GPR158: variants seen among roughly 807,000 people sequenced by gnomAD.
GPR158 encodes the protein metabotropic glycine receptor.
GPR158 carries 30 observed loss-of-function variants against 78.2 expected under a neutral mutation model. The ratio of observed to expected loss-of-function variants is 0.38; its 90% CI spans 0.29 to 0.52. GPR158 has a LOEUF of 0.52. Among genes scored for constraint, GPR158 ranks in the 20% least tolerant of loss-of-function variants. The probability of loss-of-function intolerance (pLI) is 0.83; values close to 1 mark genes in which losing one functional copy is unlikely to be tolerated. For synonymous variants in GPR158, 581 were observed against 591.1 expected, an observed-to-expected ratio of 0.98 and a Z score of 0.25; for missense variants, 1,463 against 1,523.5, an observed-to-expected ratio of 0.96 and a Z score of 0.66.
At chr10:25,422,650 A>G (rs1773678) in intron 4 of GPR158, among the ~76,000 whole-genome samples, 104,677 of 149,604 alleles carry the variant, frequency 0.7, 37,649 homozygotes, top group Non-Finnish European at 0.8. Flanking sequence ...AATGTGACAT[A>G]TACTCTCCAA....
At position 25,258,267 on chromosome 10, in the gene GPR158, G is replaced by A. The variant is rs376118015; in HGVS notation, c.1008+37110G>A. On this transcript the variant is annotated intron_variant, in intron 2 of 10. Transcript: ENST00000376351. ...CCTTCTCTCATTCACTTATTCATTT[G>A]TTTATGCATTTCTCATACACTGAAT... 1.3e-5 allele frequency among the ~76,000 whole-genome samples: 2 copies of A among 152,094 alleles called. 1 individual carries two copies. The highest frequency in any genetic ancestry group is 4.1e-4 in the South Asian group (2 of 4,822).
intron 2 of GPR158, among the ~76,000 whole-genome samples, chr10:25,300,770 A>T (rs1372598707): frequency 6.6e-6 from 1 of 152,152 alleles, no homozygotes; most frequent in African/African-American, 2.4e-5. Context: ...CAATTGTTTA[A>T]ATCACCAGGT....
intron 5 of GPR158, among the ~76,000 whole-genome samples, chr10:25,529,510 G>A (rs929357034): frequency 9.9e-5 from 15 of 152,142 alleles, no homozygotes; most frequent in Admixed American, 3.9e-4. Flanking sequence ...TGCAGGGATC[G>A]GGGAGTGGCA....
At chr10:25,249,136 G>A (rs1473321803) in intron 2 of GPR158, among the ~76,000 whole-genome samples, 1 of 152,050 alleles carries the variant, frequency 6.6e-6, no homozygotes, top group Non-Finnish European at 1.5e-5. Flanking sequence ...GTATAAGAAT[G>A]CTTGTGATTT....
intron 2 of GPR158, among the ~76,000 whole-genome samples, chr10:25,384,071 T>C (rs567215658): frequency 6.6e-6 from 1 of 152,352 alleles, no homozygotes; most frequent in East Asian, 1.9e-4. Flanking sequence ...CTATTTATTA[T>C]CTTATTTACC....
intron 2 of GPR158, among the ~76,000 whole-genome samples, chr10:25,262,009 T>A (rs1355404279): frequency 6.6e-6 from 1 of 152,090 alleles, no homozygotes; most frequent in Non-Finnish European, 1.5e-5. Context: ...CCTGGGGAAG[T>A]AATAATGACT....
chr10:25,230,219 A>G (rs888402403), intron 2 of GPR158, among the ~76,000 whole-genome samples: 1 of 152,226 alleles, frequency 6.6e-6, no homozygotes, highest in Non-Finnish European at 1.5e-5. Flanking sequence ...CAAAATTCCT[A>G]TCTTTCTGAT....
At chr10:25,381,889 A>G (rs1211287018) in intron 2 of GPR158, among the ~76,000 whole-genome samples, 1 of 152,222 alleles carries the variant, frequency 6.6e-6, no homozygotes, top group African/African-American at 2.4e-5. Flanking sequence ...GGTAAAGCAC[A>G]TTTATAACAG....
chr10:25,186,040 A>G (rs1195554525), intron 1 of GPR158, among the ~76,000 whole-genome samples: 4 of 152,194 alleles, frequency 2.6e-5, no homozygotes, highest in Non-Finnish European at 5.9e-5. Context: ...CCACAGTGCA[A>G]TCAAACTAGA....
At chr10:25,266,474 C>T (rs1488055630) in intron 2 of GPR158, among the ~76,000 whole-genome samples, 1 of 152,098 alleles carries the variant, frequency 6.6e-6, no homozygotes, top group Admixed American at 6.6e-5. Context: ...ATAATCAGAT[C>T]ACTGGATTTT....
At chr10:25,462,411 C>T (rs567970527) in intron 4 of GPR158, among the ~76,000 whole-genome samples, 6 of 152,276 alleles carry the variant, frequency 3.9e-5, no homozygotes, top group African/African-American at 1.2e-4. Context: ...TGTTTTCATG[C>T]CCACTAACAC....
intron 2 of GPR158, among the ~76,000 whole-genome samples, chr10:25,326,045 A>G (rs757898921): frequency 2.0e-5 from 3 of 152,082 alleles, no homozygotes; most frequent in Non-Finnish European, 2.9e-5. Flanking sequence ...TGCACAGGTG[A>G]TCCCATCACC....
At chr10:25,327,556 A>T (rs1333357534) in intron 2 of GPR158, among the ~76,000 whole-genome samples, 1 of 48,136 alleles carries the variant, frequency 2.1e-5, no homozygotes, top group African/African-American at 1.4e-4. Context: ...CTCACGTGAG[A>T]TAAAGACTCT....
intron 2 of GPR158, among the ~76,000 whole-genome samples, chr10:25,350,662 C>G (rs1436228266): frequency 1.3e-5 from 2 of 151,936 alleles, no homozygotes; most frequent in Non-Finnish European, 2.9e-5. Flanking sequence ...GGCAGGGAAG[C>G]TATACTTTCT....
chr10:25,345,058 G>C (rs1270716272), intron 2 of GPR158, among the ~76,000 whole-genome samples: 2 of 151,950 alleles, frequency 1.3e-5, no homozygotes, highest in Non-Finnish European at 2.9e-5. Flanking sequence ...TTGGGGGCCA[G>C]AATCTCAACA....
intron 2 of GPR158, among the ~76,000 whole-genome samples, chr10:25,317,726 G>GTTTTTTT (rs796945422): frequency 1.4e-5 from 2 of 140,140 alleles, no homozygotes; most frequent in African/African-American, 5.9e-5. Flanking sequence ...GTTTTTTTTT[G>GTTTTTTT]TTTTGTTTTG....
intron 1 of GPR158, among the ~76,000 whole-genome samples, chr10:25,183,295 A>G (rs1384928265): frequency 6.6e-6 from 1 of 151,326 alleles, no homozygotes; most frequent in Non-Finnish European, 1.5e-5. Context: ...GCCCCTCCAC[A>G]CCCTCCTCTT....
intron 2 of GPR158, among the ~76,000 whole-genome samples, chr10:25,232,084 T>C (rs1169915742): frequency 6.6e-6 from 1 of 152,064 alleles, no homozygotes; most frequent in East Asian, 1.9e-4. Context: ...ATGAAGTTAG[T>C]GAACAGATTT....
intron 1 of GPR158, among the ~76,000 whole-genome samples, chr10:25,185,250 G>T (rs746697328): frequency 1.3e-5 from 2 of 152,148 alleles, no homozygotes; most frequent in Non-Finnish European, 2.9e-5. Context: ...ACATATATCT[G>T]TGTGTGCATA....
Sources: allele counts gnomAD v4.1 joint callset (sites outside exome capture counted in the v4.1 genomes callset), GRCh38; gene constraint gnomAD v4.1.1; transcripts MANE v1.5; gene names NCBI Gene and HGNC (gene_info 2026-07-23, HGNC 2026-07-21).